The following CACNA2D3 variants were observed in gnomAD, a reference collection of about 807,000 sequenced individuals.
The protein encoded by CACNA2D3 is voltage-dependent calcium channel subunit alpha-2/delta-3.
In CACNA2D3, 60 loss-of-function variants were observed where a neutral mutation model predicts 160.6. That is an observed-to-expected ratio of 0.37 (90% CI 0.30 to 0.46). The LOEUF (loss-of-function observed/expected upper bound fraction) is 0.46, where lower values mean the gene tolerates loss of function less well. Among genes scored for constraint, CACNA2D3 ranks in the 20% least tolerant of loss-of-function variants. The probability of loss-of-function intolerance (pLI) is 1.00; values close to 1 mark genes in which losing one functional copy is unlikely to be tolerated. For missense variants in CACNA2D3, 1,205 were observed against 1,365.0 expected (o/e 0.88, Z 1.85); for synonymous variants, 558 against 492.9 (o/e 1.13, Z -1.75).
intron 2 of CACNA2D3, among the ~76,000 whole-genome samples, chr3:54,197,802 T>C (rs979789699): frequency 6.6e-6 from 1 of 152,206 alleles, no homozygotes; most frequent in African/African-American, 2.4e-5. Flanking sequence ...CTTTCCATAT[T>C]CTTCTCTCCA....
In CACNA2D3 at chr3:54,635,980, G is replaced by A. The variant is rs1444123843; in HGVS notation, c.1054-6148G>A. On this transcript the variant is annotated intron_variant, in intron 10 of 37. Coordinates refer to ENST00000474759, the MANE Select transcript of CACNA2D3 (RefSeq NM_018398.3). The stretch of plus-strand genomic sequence containing the variant: ...GAGGTATTTTAGTTTCCTGACTCGG[G>A]CATGTTAAGTAAAGCTAATTTGCCA... 3.3e-5 allele frequency among the ~76,000 whole-genome samples: 5 copies of A among 152,086 alleles called. No homozygotes were observed. The East Asian group carries it at 7.7e-4, about 23-fold the overall frequency.
intron 4 of CACNA2D3, among the ~76,000 whole-genome samples, chr3:54,485,232 A>G (rs545525311): frequency 1.1e-3 from 173 of 152,334 alleles, no homozygotes; most frequent in African/African-American, 4.0e-3. Flanking sequence ...AGGGGTTATC[A>G]TCATGCTTGA....
At chr3:54,726,842 A>T (rs566822175) in intron 11 of CACNA2D3, among the ~76,000 whole-genome samples, 5 of 152,342 alleles carry the variant, frequency 3.3e-5, no homozygotes, top group African/African-American at 1.2e-4. Context: ...ACCATTCAGG[A>T]CATAGACATG....
chr3:54,341,582 A>G (rs9683195), intron 3 of CACNA2D3, among the ~76,000 whole-genome samples: 100,868 of 152,030 alleles, frequency 0.66, 33,899 homozygotes, highest in Non-Finnish European at 0.73. Flanking sequence ...GCCTGGGAGC[A>G]TGAGTTTGGC....
At chr3:54,615,599 G>C (rs1286454554) in intron 9 of CACNA2D3, among the ~76,000 whole-genome samples, 1 of 152,204 alleles carries the variant, frequency 6.6e-6, no homozygotes, top group African/African-American at 2.4e-5. Context: ...CTGTGTAACT[G>C]TGACAAAGTG....
chr3:54,224,216 G>A (rs750640171), intron 2 of CACNA2D3, among the ~76,000 whole-genome samples: 2 of 152,000 alleles, frequency 1.3e-5, no homozygotes, highest in African/African-American at 2.4e-5. Context: ...CATCTCCTGC[G>A]ATGATAGTGC....
At chr3:55,004,644 G>T (rs1575431457) in intron 31 of CACNA2D3, 119 bp from the exon 32 acceptor site, 4 of 670,294 alleles carry the variant, frequency 6.0e-6, no homozygotes, top group Non-Finnish European at 1.1e-5. Flanking sequence ...TGTTAGGGCT[G>T]CATGGTGTTT....
intron 35 of CACNA2D3, among the ~76,000 whole-genome samples, chr3:55,061,211 C>T (rs187577003): frequency 2.6e-5 from 4 of 152,368 alleles, no homozygotes; most frequent in Non-Finnish European, 4.4e-5. Context: ...CTATTGTATA[C>T]ATTTTTGAAT....
intron 18 of CACNA2D3, among the ~76,000 whole-genome samples, chr3:54,877,506 A>G (rs1699690064): frequency 6.6e-6 from 1 of 152,184 alleles, no homozygotes; most frequent in Admixed American, 6.5e-5. Context: ...ATTTTTCAGA[A>G]GAGGAAGCTG....
chr3:54,520,762 T>A (rs1701635966), intron 5 of CACNA2D3, among the ~76,000 whole-genome samples: 1 of 152,180 alleles, frequency 6.6e-6, no homozygotes. Flanking sequence ...TGGCTATCGT[T>A]CCCTTGTCCC....
intron 27 of CACNA2D3, among the ~76,000 whole-genome samples, chr3:54,963,350 G>T (rs947202790): frequency 2.6e-5 from 4 of 151,970 alleles, no homozygotes; most frequent in African/African-American, 9.7e-5. Context: ...TCTTTTCTAT[G>T]GTTCCTTCTG....
intron 9 of CACNA2D3, among the ~76,000 whole-genome samples, chr3:54,588,455 G>A (rs2106751476): frequency 6.6e-6 from 1 of 152,250 alleles, no homozygotes; most frequent in East Asian, 1.9e-4. Flanking sequence ...TTAAGTTTTA[G>A]TCAGGCCAGG....
intron 34 of CACNA2D3, among the ~76,000 whole-genome samples, chr3:55,011,318 C>T (rs986709791): frequency 2.6e-5 from 4 of 152,194 alleles, no homozygotes; most frequent in Admixed American, 6.5e-5. Flanking sequence ...CAATTTTGCT[C>T]CTCCCTGCTG....
intron 13 of CACNA2D3, among the ~76,000 whole-genome samples, chr3:54,773,050 G>C (rs994575537): frequency 6.6e-6 from 1 of 152,158 alleles, no homozygotes; most frequent in Admixed American, 6.5e-5. Flanking sequence ...TGCCCCTCCC[G>C]TTTGCTGGTA....
intron 2 of CACNA2D3, among the ~76,000 whole-genome samples, chr3:54,303,247 T>A (rs1462461159): frequency 6.6e-6 from 1 of 152,212 alleles, no homozygotes; most frequent in Non-Finnish European, 1.5e-5. Flanking sequence ...CAGCATAGTA[T>A]CTGGCACATA....
intron 4 of CACNA2D3, among the ~76,000 whole-genome samples, chr3:54,481,219 C>T (rs979101233): frequency 6.6e-6 from 1 of 152,184 alleles, no homozygotes; most frequent in Non-Finnish European, 1.5e-5. Context: ...TGAGAAGCCA[C>T]ACATGTATTT....
intron 27 of CACNA2D3, among the ~76,000 whole-genome samples, chr3:54,956,844 T>A (rs1426187971): frequency 4.6e-5 from 7 of 152,108 alleles, no homozygotes; most frequent in Non-Finnish European, 7.4e-5. Context: ...TTGCATTTTA[T>A]CTGACAGAAA....
intron 11 of CACNA2D3, among the ~76,000 whole-genome samples, chr3:54,749,675 A>G (rs1315531321): frequency 6.6e-6 from 1 of 152,206 alleles, no homozygotes; most frequent in African/African-American, 2.4e-5. Flanking sequence ...ACTGTGAGAG[A>G]TGTAGGACGT....
At chr3:54,801,906 A>G (rs1702997016) in intron 13 of CACNA2D3, among the ~76,000 whole-genome samples, 1 of 152,196 alleles carries the variant, frequency 6.6e-6, no homozygotes, top group African/African-American at 2.4e-5. Context: ...TCATAAAAGC[A>G]AGAAAATTTG....
Sources: allele counts gnomAD v4.1 joint callset (sites outside exome capture counted in the v4.1 genomes callset), GRCh38; gene constraint gnomAD v4.1.1; transcripts MANE v1.5; gene names NCBI Gene and HGNC (gene_info 2026-07-23, HGNC 2026-07-21).